Variants in TTLL1 observed in about 807,000 individuals in gnomAD.
TTLL1 encodes polyglutamylase complex subunit TTLL1.
A neutral mutation model predicts 47.8 loss-of-function variants in TTLL1; 33 were observed. The ratio of observed to expected loss-of-function variants is 0.69; its 90% confidence interval spans 0.52 to 0.92. The LOEUF (loss-of-function observed/expected upper bound fraction) is 0.92. TTLL1 is among the 40% of genes least tolerant of loss of function. The pLI is 0.00. For missense variants in TTLL1, 488 were observed against 547.5 expected, an observed-to-expected ratio of 0.89 and a Z score of 1.08; for synonymous variants, 225 against 214.1, an observed-to-expected ratio of 1.05 and a Z score of -0.45.
At chr22:43,080,215 C>T (rs907756380) in intron 1 of TTLL1, among the ~76,000 whole-genome samples, 7 of 151,946 alleles carry the variant, frequency 4.6e-5, no homozygotes, top group Admixed American at 6.6e-5. Flanking sequence ...CCACCACACC[C>T]GGTTAATTTT....
At chr22:43,054,881 C>G (rs532507691) in intron 8 of TTLL1, among the ~76,000 whole-genome samples, 2 of 150,662 alleles carry the variant, frequency 1.3e-5, no homozygotes, top group Non-Finnish European at 3.0e-5. Flanking sequence ...ACTGCCACTA[C>G]GCCTGGCTAA....
intron 10 of TTLL1, 134 bp downstream of exon 10, chr22:43,046,276 C>T: frequency 1.1e-6 from 1 of 922,044 alleles, no homozygotes; most frequent in Non-Finnish European, 1.7e-6. Flanking sequence ...AGATCTATCC[C>T]ATCATGTCAT....
chr22:43,088,408 C>T (rs891817782), intron 1 of TTLL1, among the ~76,000 whole-genome samples: 1 of 137,756 alleles, frequency 7.3e-6, no homozygotes, highest in Non-Finnish European at 1.5e-5. Context: ...GCAATCTCGG[C>T]TCACTGCAAG....
At chr22:43,048,191 C>T (rs952792612) in intron 9 of TTLL1, among the ~76,000 whole-genome samples, 1 of 151,896 alleles carries the variant, frequency 6.6e-6, no homozygotes, top group Admixed American at 6.6e-5. Context: ...GTGGCAGGCG[C>T]CTGTAATCCC....
chr22:43,073,355 ATTTATTTAT>A (rs1569441652), intron 3 of TTLL1, among the ~76,000 whole-genome samples: 30 of 132,746 alleles, frequency 2.3e-4, no homozygotes, highest in African/African-American at 9.3e-4. Context: ...TTATTTATTT[ATTTATTTAT>A]TTTATTTTTT....
At chr22:43,051,656 C>T (rs530303050) in intron 9 of TTLL1, 145 bp downstream of exon 9, 2 of 781,790 alleles carry the variant, frequency 2.6e-6, no homozygotes, top group African/African-American at 3.4e-5. Context: ...TAACCATCAG[C>T]AAACAATCAA....
At chr22:43,087,941 A>G (rs569244918) in intron 1 of TTLL1, among the ~76,000 whole-genome samples, 2 of 151,530 alleles carry the variant, frequency 1.3e-5, no homozygotes, top group African/African-American at 4.9e-5. Context: ...TGAGGTCAGG[A>G]GCTCGAGACC....
rs767195098 is a variant in TTLL1, at chr22:43,046,388, G to A, written c.1142+22C>T. The stretch of plus-strand genomic sequence containing the variant: ...CATTCGGAAACACAGAAGGACAAGC[G>A]CACAGTCACACACACACTTACAGAA... On this transcript the variant is annotated intron_variant, in intron 10 of 10. Transcript: ENST00000266254. 40 of 1,611,626 alleles carry A rather than the reference G, an allele frequency of 2.5e-5. No homozygotes were observed. In the South Asian group the frequency reaches 3.1e-4, roughly 12 times the overall value.
chr22:43,074,427 CAAAAAAAA>C (rs61701643), intron 3 of TTLL1, among the ~76,000 whole-genome samples: 3 of 85,744 alleles, frequency 3.5e-5, no homozygotes, highest in African/African-American at 7.5e-5. Context: ...AATTTCGTCT[CAAAAAAAA>C]AAAAAAAAAA....
At chr22:43,057,373 G>A (rs1036624219) in intron 8 of TTLL1, among the ~76,000 whole-genome samples, 2 of 151,652 alleles carry the variant, frequency 1.3e-5, no homozygotes, top group African/African-American at 2.4e-5. Context: ...GCGTCTCAAA[G>A]TGCTGGGATT....
At chr22:43,077,104 A>C (rs1033658054) in intron 2 of TTLL1, among the ~76,000 whole-genome samples, 1 of 152,060 alleles carries the variant, frequency 6.6e-6, no homozygotes, top group Non-Finnish European at 1.5e-5. Flanking sequence ...CCACCTCAAA[A>C]AAAAAAAATT....
intron 10 of TTLL1, 54 bp from the exon 11 acceptor site, chr22:43,039,959 C>T: frequency 6.3e-7 from 1 of 1,582,022 alleles, no homozygotes; most frequent in Non-Finnish European, 8.6e-7. Flanking sequence ...AGGCAACAGG[C>T]AGGGCCACCA....
intron 9 of TTLL1, among the ~76,000 whole-genome samples, chr22:43,047,711 T>C (rs1356130316): frequency 2.6e-5 from 4 of 151,988 alleles, no homozygotes; most frequent in Non-Finnish European, 5.9e-5. Flanking sequence ...TCAGGGGTTC[T>C]GCCCGCCTCG....
At chr22:43,052,883 AC>A (rs1359305132) in intron 8 of TTLL1, among the ~76,000 whole-genome samples, 1 of 151,750 alleles carries the variant, frequency 6.6e-6, no homozygotes, top group Non-Finnish European at 1.5e-5. Flanking sequence ...ACATGGTGAA[AC>A]CCCGTCTCTA....
chr22:43,081,353 T>C (rs1928875384), intron 1 of TTLL1, among the ~76,000 whole-genome samples: 1 of 151,740 alleles, frequency 6.6e-6, no homozygotes, highest in East Asian at 1.9e-4. Context: ...ACGGAGGGAG[T>C]GGGTAAACCC....
intron 3 of TTLL1, 77 bp from the exon 4 acceptor site, chr22:43,069,921 C>T (rs1292682382): frequency 6.4e-5 from 99 of 1,555,846 alleles, no homozygotes; most frequent in East Asian, 2.3e-5. Context: ...TCCCCGCAAA[C>T]ACCCTGAACC....
chr22:43,057,222 T>C (rs749208313), intron 8 of TTLL1, among the ~76,000 whole-genome samples: 2 of 150,632 alleles, frequency 1.3e-5, no homozygotes, highest in Admixed American at 6.7e-5. Context: ...TGGGCTGAGA[T>C]TGTGCCACTG....
At position 43,039,579 on chromosome 22, in the gene TTLL1, AG is replaced by A. The variant is rs1477133524; in HGVS notation, c.*196del. 6 of 538,498 alleles carry A rather than the reference AG, an allele frequency of 1.1e-5. No homozygotes were observed. The highest frequency in any genetic ancestry group is 5.9e-5 in the African/African-American group (3 of 50,462). The allele number at this position is 538,498 out of a possible 1,614,324, so 33.4% of individuals were successfully genotyped here. A position where few individuals can be genotyped will look rare whatever the true frequency, so the allele number is the denominator to read the frequency against. On this transcript the variant is annotated 3_prime_UTR_variant, in exon 11 of 11. Coordinates refer to ENST00000266254, the MANE Select transcript of TTLL1 (RefSeq NM_012263.5). ...GCTTAGGTTAAAAATTAAAAAAAAA[AG>A]AGCGAGTTTTATACATCCGCATGAA... is the stretch of plus-strand genomic sequence containing the variant.
intron 5 of TTLL1, among the ~76,000 whole-genome samples, chr22:43,066,059 T>C (rs1927711167): frequency 1.3e-5 from 2 of 150,832 alleles, no homozygotes; most frequent in Non-Finnish European, 2.9e-5. Context: ...CTCAGGAGGC[T>C]GAGGCAGGAG....
Sources: gnomAD v4.1 joint callset for allele counts (sites outside exome capture counted in the v4.1 genomes callset) on GRCh38, gnomAD v4.1.1 for gene constraint, MANE v1.5 for transcripts, NCBI Gene and HGNC (gene_info 2026-07-23, HGNC 2026-07-21) for gene names.